CFAP70: variants seen among roughly 807,000 people sequenced by gnomAD.
The protein encoded by CFAP70 is cilia and flagella associated protein 70.
Under a neutral mutation model 137.6 loss-of-function variants are expected in CFAP70, and 81 were observed. That is an observed-to-expected ratio of 0.59 (90% CI 0.49 to 0.71). CFAP70 has a LOEUF of 0.71. Ranked by LOEUF, CFAP70 falls within the 30% of genes least tolerant of loss-of-function variation. The pLI, the probability that CFAP70 is intolerant of heterozygous loss-of-function variation, is 0.00. For synonymous variants in CFAP70, 382 were observed against 423.6 expected (o/e 0.90, Z 1.20); for missense variants, 976 against 1,226.7 (o/e 0.80, Z 3.05).
At chr10:73,351,009 ATGTG>A (rs765832968) in intron 3 of CFAP70, among the ~76,000 whole-genome samples, 2 of 99,902 alleles carry the variant, frequency 2.0e-5, no homozygotes, top group South Asian at 2.9e-4. Context: ...ATATGTGTGT[ATGTG>A]TGTGTATATA....
chr10:73,291,714 T>A (rs1174416338), exon 18 of CFAP70: 2 of 1,614,130 alleles, frequency 1.2e-6, no homozygotes, highest in South Asian at 2.2e-5. Context: ...TGCTTGCTCA[T>A]AGTTCTCCAA....
At chr10:73,301,613 T>C (rs887518345) in intron 12 of CFAP70, among the ~76,000 whole-genome samples, 3 of 152,004 alleles carry the variant, frequency 2.0e-5, no homozygotes, top group African/African-American at 4.8e-5. Context: ...AGAGGTGGCA[T>C]GATGGTTGAG....
At chr10:73,262,648 TA>T (rs1473713064) in intron 25 of CFAP70, among the ~76,000 whole-genome samples, 3 of 152,106 alleles carry the variant, frequency 2.0e-5, no homozygotes, top group Admixed American at 6.5e-5. Context: ...ACCTGTGGGC[TA>T]TTAGAAAAAA....
intron 1 of CFAP70, among the ~76,000 whole-genome samples, chr10:73,355,149 G>A (rs2054572403): frequency 6.6e-6 from 1 of 152,168 alleles, no homozygotes; most frequent in Non-Finnish European, 1.5e-5. Context: ...CCATGAACCA[G>A]TACCAGCCCG....
chr10:73,340,741 TG>T (rs1424214355), intron 6 of CFAP70, among the ~76,000 whole-genome samples: 1 of 152,216 alleles, frequency 6.6e-6, no homozygotes, highest in African/African-American at 2.4e-5. Context: ...CATGCGCACC[TG>T]GCCAGGTTGT....
At chr10:73,345,748 G>A (rs1351012368) in intron 4 of CFAP70, among the ~76,000 whole-genome samples, 1 of 152,006 alleles carries the variant, frequency 6.6e-6, no homozygotes, top group Non-Finnish European at 1.5e-5. Context: ...AGTGAGCTGA[G>A]ATTGTGCCAT....
intron 15 of CFAP70, chr10:73,296,709 T>C (rs2048572624): frequency 6.1e-6 from 1 of 164,762 alleles, no homozygotes; most frequent in Non-Finnish European, 1.3e-5. Context: ...AATTAAGAAT[T>C]GTACCTGTTC....
At chr10:73,323,066 C>G (rs764771867) in exon 9 of CFAP70, 4 of 1,612,162 alleles carry the variant, frequency 2.5e-6, no homozygotes, top group Non-Finnish European at 3.4e-6. Flanking sequence ...ATAAGCCACA[C>G]CATGAAACGA....
chr10:73,310,157 C>A lies in CFAP70; in HGVS notation c.1256+1G>T, dbSNP rs768530466. On this transcript the variant is annotated splice_donor_variant, in intron 12 of 26. Coordinates refer to ENST00000310715, the Ensembl canonical transcript of CFAP70. LOFTEE classifies it high-confidence loss of function. Reference sequence around the variant, plus strand: ...CTAGTATAAGCACCATAGCTACAAACCTTCTGGCTAGCTCCTCTGGCATTC... The same window carrying A: ...CTAGTATAAGCACCATAGCTACAAAACTTCTGGCTAGCTCCTCTGGCATTC... 5 of 1,604,828 alleles carry A rather than the reference C, an allele frequency of 3.1e-6. No homozygotes were observed. The highest frequency in any genetic ancestry group is 4.3e-6 in the Non-Finnish European group (5 of 1,175,680).
intron 9 of CFAP70, among the ~76,000 whole-genome samples, chr10:73,315,073 G>A (rs919397980): frequency 6.6e-6 from 1 of 151,930 alleles, no homozygotes; most frequent in Non-Finnish European, 1.5e-5. Flanking sequence ...GTTTTAATTA[G>A]CTGGATGTGG....
At chr10:73,279,715 G>T (rs2047116106) in intron 19 of CFAP70, among the ~76,000 whole-genome samples, 2 of 151,838 alleles carry the variant, frequency 1.3e-5, no homozygotes, top group Non-Finnish European at 2.9e-5. Flanking sequence ...AATTAGCCAG[G>T]CATGGTGTTG....
At chr10:73,261,838 G>A (rs958996598) in intron 25 of CFAP70, among the ~76,000 whole-genome samples, 1 of 151,860 alleles carries the variant, frequency 6.6e-6, no homozygotes, top group Non-Finnish European at 1.5e-5. Context: ...TCTAGTGGGT[G>A]TGTAGTGCGG....
At chr10:73,255,443 T>C (rs868703083) in intron 26 of CFAP70, among the ~76,000 whole-genome samples, 2 of 152,074 alleles carry the variant, frequency 1.3e-5, no homozygotes, top group African/African-American at 4.8e-5. Context: ...TAATCCCAGC[T>C]ACTTGGGAGG....
At chr10:73,283,903 G>A (rs1197948937) in intron 19 of CFAP70, among the ~76,000 whole-genome samples, 3 of 152,160 alleles carry the variant, frequency 2.0e-5, no homozygotes, top group Admixed American at 6.5e-5. Context: ...ACATATAGTT[G>A]AGGTTTTAAA....
chr10:73,339,667 C>G (rs2053064863), intron 6 of CFAP70, among the ~76,000 whole-genome samples: 2 of 152,250 alleles, frequency 1.3e-5, no homozygotes, highest in Non-Finnish European at 2.9e-5. Flanking sequence ...CTGGCTGCAG[C>G]AGAGCCGGCA....
intron 12 of CFAP70, among the ~76,000 whole-genome samples, chr10:73,305,017 C>A (rs1008256245): frequency 3.9e-5 from 6 of 152,256 alleles, no homozygotes; most frequent in Admixed American, 2.6e-4. Context: ...CCGCTGCACA[C>A]CGCATCCCCA....
intron 3 of CFAP70, 141 bp from the exon 4 acceptor site, chr10:73,348,662 A>T: frequency 1.7e-6 from 1 of 580,912 alleles, no homozygotes; most frequent in Non-Finnish European, 2.9e-6. Flanking sequence ...AACATCACTG[A>T]CTTCTGGTGG....
intron 8 of CFAP70, among the ~76,000 whole-genome samples, chr10:73,327,936 G>A (rs1320911490): frequency 6.6e-6 from 1 of 152,112 alleles, no homozygotes; most frequent in African/African-American, 2.4e-5. Context: ...CAGATTCAAT[G>A]CCATCCCCAT....
chr10:73,324,499 G>A (rs556001629), intron 8 of CFAP70, among the ~76,000 whole-genome samples: 6 of 152,282 alleles, frequency 3.9e-5, no homozygotes, highest in Admixed American at 6.5e-5. Context: ...TGACTTTGAC[G>A]AGTTGAGAGA....
Sources: allele counts gnomAD v4.1 joint callset (sites outside exome capture counted in the v4.1 genomes callset), GRCh38; gene constraint gnomAD v4.1.1; transcripts MANE v1.5; gene names NCBI Gene and HGNC (gene_info 2026-07-23, HGNC 2026-07-21).